PLD1: variants seen among roughly 807,000 people sequenced by gnomAD.
PLD1 encodes the protein phospholipase D1, also known as choline phosphatase 1.
A neutral mutation model predicts 137.1 loss-of-function variants in PLD1; 112 were observed. The ratio of observed to expected loss-of-function variants is 0.82; its 90% CI spans 0.70 to 0.96. The LOEUF is 0.96. Ranked by LOEUF, PLD1 falls within the 40% of genes least tolerant of loss-of-function variation. The pLI, the probability that PLD1 is intolerant of heterozygous loss-of-function variation, is 0.00. For synonymous variants in PLD1, 431 were observed against 454.7 expected (o/e 0.95, Z 0.66); for missense variants, 1,321 against 1,342.0 (o/e 0.98, Z 0.24).
intron 11 of PLD1, among the ~76,000 whole-genome samples, chr3:171,706,710 T>C (rs1430098633): frequency 6.6e-6 from 1 of 152,238 alleles, no homozygotes; most frequent in African/African-American, 2.4e-5. Context: ...TGAATGCTCC[T>C]TTTTGCAATA....
intron 21 of PLD1, among the ~76,000 whole-genome samples, chr3:171,656,708 C>A (rs1737230061): frequency 6.6e-6 from 1 of 152,146 alleles, no homozygotes; most frequent in Non-Finnish European, 1.5e-5. Context: ...ATCCACTGTA[C>A]ACACTGCAGG....
chr3:171,629,811 T>C (rs1408886137), intron 23 of PLD1, among the ~76,000 whole-genome samples: 16 of 152,336 alleles, frequency 1.1e-4, no homozygotes, highest in Non-Finnish European at 1.9e-4. Flanking sequence ...GCTAGCCATA[T>C]GGAGAAAGCT....
chr3:171,674,130 T>C (rs1713083541), intron 19 of PLD1, among the ~76,000 whole-genome samples: 1 of 152,182 alleles, frequency 6.6e-6, no homozygotes, highest in Non-Finnish European at 1.5e-5. Flanking sequence ...GAACTAAAAT[T>C]AGACTGAACT....
chr3:171,796,623 C>T (rs566483656), intron 1 of PLD1, among the ~76,000 whole-genome samples: 2 of 152,298 alleles, frequency 1.3e-5, no homozygotes, highest in Admixed American at 1.3e-4. Context: ...AGTATCTAGT[C>T]CACTCCTCTC....
At chr3:171,785,414 C>A (rs1438858094) in intron 1 of PLD1, among the ~76,000 whole-genome samples, 11 of 150,198 alleles carry the variant, frequency 7.3e-5, no homozygotes, top group Middle Eastern at 3.4e-3. Context: ...TTTTACATTT[C>A]TTGTGTACTA....
chr3:171,654,151 A>T (rs1042538113), intron 21 of PLD1: 13 of 361,698 alleles, frequency 3.6e-5, no homozygotes, highest in African/African-American at 2.8e-4. Context: ...AAATACAAAA[A>T]AATTAGCTGA....
intron 8 of PLD1, 32 bp downstream of exon 8, chr3:171,724,659 TAAAAC>T: frequency 7.9e-7 from 1 of 1,261,726 alleles, no homozygotes; most frequent in Non-Finnish European, 1.2e-6. Context: ...CCCAGTGTAT[TAAAAC>T]AAACAAATAC....
chr3:171,689,049 G>GA (rs796136040), intron 13 of PLD1, among the ~76,000 whole-genome samples, 173 bp from the exon 14 acceptor site: 53 of 145,012 alleles, frequency 3.7e-4, no homozygotes, highest in South Asian at 1.6e-3. Context: ...AAAAGAAAAA[G>GA]AAAAAAAAAA....
intron 12 of PLD1, among the ~76,000 whole-genome samples, chr3:171,694,184 G>A (rs919732913): frequency 2.0e-5 from 3 of 151,784 alleles, no homozygotes; most frequent in African/African-American, 4.8e-5. Flanking sequence ...TTACATTCTG[G>A]TGTGCATTAA....
intron 1 of PLD1, among the ~76,000 whole-genome samples, chr3:171,805,759 T>C (rs1244101580): frequency 2.0e-5 from 3 of 151,974 alleles, no homozygotes; most frequent in Non-Finnish European, 4.4e-5. Flanking sequence ...AATCACAGGT[T>C]ATGTTTTTTT....
At chr3:171,700,655 A>C (rs912497590) in intron 11 of PLD1, among the ~76,000 whole-genome samples, 2 of 152,218 alleles carry the variant, frequency 1.3e-5, no homozygotes, top group African/African-American at 4.8e-5. Flanking sequence ...GCATTCTAAT[A>C]GATACACAGA....
intron 21 of PLD1, among the ~76,000 whole-genome samples, chr3:171,650,112 C>T (rs540045984): frequency 6.6e-6 from 1 of 152,258 alleles, no homozygotes; most frequent in South Asian, 2.1e-4. Context: ...GGAAGCAGGA[C>T]ACAAAAACAT....
intron 8 of PLD1, among the ~76,000 whole-genome samples, chr3:171,715,336 C>T (rs759324651): frequency 2.0e-5 from 3 of 152,130 alleles, no homozygotes; most frequent in Non-Finnish European, 4.4e-5. Context: ...ATACCAATAC[C>T]ATACTGTTTT....
intron 1 of PLD1, among the ~76,000 whole-genome samples, chr3:171,795,481 A>G (rs1723399353): frequency 6.6e-6 from 1 of 152,226 alleles, no homozygotes; most frequent in Admixed American, 6.5e-5. Context: ...CTCCTTCCCT[A>G]GATGACTGTC....
At chr3:171,765,006 GAGAAAAAGAAAA>G (rs1458654685) in intron 1 of PLD1, 1 of 140,706 alleles carries the variant, frequency 7.1e-6, no homozygotes, top group Non-Finnish European at 1.6e-5. Context: ...AAGAAAGAAA[GAGAAAAAGAAAA>G]AGAAAAAGAA....
intron 1 of PLD1, chr3:171,809,766 C>T (rs1450700049): frequency 6.6e-6 from 1 of 152,320 alleles, no homozygotes; most frequent in East Asian, 1.9e-4. Flanking sequence ...CCCTACGTCC[C>T]AAACACCTTC....
At chr3:171,791,756 A>C (rs1723221818) in intron 1 of PLD1, 1 of 149,540 alleles carries the variant, frequency 6.7e-6, no homozygotes, top group African/African-American at 2.5e-5. Context: ...ATAATACTGA[A>C]GAGTCTTTCA....
rs13326409 is a variant in PLD1, at chr3:171,628,109, G to A, written c.2594-7589C>T. 9.2e-3 allele frequency among the ~76,000 whole-genome samples: 1,402 copies of A among 151,824 alleles called. 22 individuals are homozygous for A. The highest frequency in any genetic ancestry group is 0.028 in the African/African-American group (1,164 of 41,384). Reference sequence around the variant, plus strand: ...AAAGGATCAACAAAATTGATAGACCGCTAGCAAGACTAATAAAGAAGAAAA... The same window carrying A: ...AAAGGATCAACAAAATTGATAGACCACTAGCAAGACTAATAAAGAAGAAAA... On this transcript the variant is annotated intron_variant, in intron 23 of 26. Transcript: ENST00000351298.
chr3:171,617,382 T>C (rs1578111497), intron 24 of PLD1, among the ~76,000 whole-genome samples: 3 of 152,314 alleles, frequency 2.0e-5, no homozygotes, highest in East Asian at 1.9e-4. Flanking sequence ...TGAACCTTCT[T>C]GTTCTGGTTT....
Sources: allele counts gnomAD v4.1 joint callset (sites outside exome capture counted in the v4.1 genomes callset), GRCh38; gene constraint gnomAD v4.1.1; transcripts MANE v1.5; gene names NCBI Gene and HGNC (gene_info 2026-07-23, HGNC 2026-07-21).